Variants in R3HCC1L observed in about 807,000 individuals in gnomAD.
R3HCC1L encodes the protein R3H domain and coiled-coil containing 1 like.
A neutral mutation model predicts 59.9 loss-of-function variants in R3HCC1L; 51 were observed. The ratio of observed to expected loss-of-function variants is 0.85; its 90% CI spans 0.68 to 1.07. The LOEUF (loss-of-function observed/expected upper bound fraction) is 1.07. Ranked by LOEUF, R3HCC1L falls within the 50% of genes least tolerant of loss-of-function variation. R3HCC1L has a pLI of 0.00. For synonymous variants in R3HCC1L, 322 were observed against 315.2 expected (o/e 1.02, Z -0.23); for missense variants, 965 against 933.0 (o/e 1.03, Z -0.45).
chr10:98,242,598 G>T (rs941606152), intron 9 of R3HCC1L, among the ~76,000 whole-genome samples: 3 of 152,102 alleles, frequency 2.0e-5, no homozygotes, highest in Non-Finnish European at 2.9e-5. Context: ...TTTTGATTTT[G>T]GAATTGTGTG....
In R3HCC1L at chr10:98,234,429, GT is replaced by G. The variant is rs1430729009; in HGVS notation, c.1962-10del. 2.5e-6 allele frequency: 4 copies of G among 1,605,694 alleles called. No individual in the cohort carries two copies. Among genetic ancestry groups the G allele is most frequent in the African/African-American group, 2.7e-5 (2 of 74,640 alleles). ...AAATTTTATTTTAGGAAATAAAATT[GT>G]TTTTTTGTGTTGCAGAAAGAAAGGA... On this transcript the variant is annotated splice_polypyrimidine_tract_variant and intron_variant, in intron 6 of 9. Coordinates refer to ENST00000298999, the MANE Select transcript of R3HCC1L (RefSeq NM_001351015.2).
intron 4 of R3HCC1L, among the ~76,000 whole-genome samples, chr10:98,190,553 C>T (rs1364299671): frequency 6.6e-6 from 1 of 152,024 alleles, no homozygotes; most frequent in Non-Finnish European, 1.5e-5. Flanking sequence ...ATAAATAGAT[C>T]TTAAATTGTA....
intron 4 of R3HCC1L, among the ~76,000 whole-genome samples, chr10:98,189,599 ATT>A (rs1300196259): frequency 3.3e-5 from 5 of 152,100 alleles, no homozygotes. Flanking sequence ...TGTAATATAT[ATT>A]TTGTATAACC....
At chr10:98,188,729 A>G (rs148250454) in intron 4 of R3HCC1L, among the ~76,000 whole-genome samples, 70 of 152,294 alleles carry the variant, frequency 4.6e-4, no homozygotes, top group African/African-American at 1.6e-3. Flanking sequence ...AAGATATTTA[A>G]GTGGGGAGTA....
intron 1 of R3HCC1L, among the ~76,000 whole-genome samples, chr10:98,145,224 T>C (rs1845540005): frequency 6.6e-6 from 1 of 152,226 alleles, no homozygotes; most frequent in South Asian, 2.1e-4. Flanking sequence ...AGGGAATTGC[T>C]GAAGAGTACA....
Position 98,209,002 on chromosome 10 carries a change from A to G in R3HCC1L, c.888A>G (p.Thr296=). The G allele has an allele frequency of 6.2e-7, 1 of 1,613,990 alleles. No homozygotes were observed. The highest frequency in any genetic ancestry group is 8.5e-7 in the Non-Finnish European group (1 of 1,179,906). ...VESVGGIANS[T]GFILDQKDTD... ...GTGTAGGTGGTATAGCCAATAGTAC[A>G]GGTTTCATCTTAGATCAAAAAGATA... is the stretch of plus-strand genomic sequence containing the variant. Residue 296 remains threonine, a synonymous_variant, in exon 5 of 10, where the codon ACA becomes ACG. Coordinates refer to ENST00000298999, the MANE Select transcript of R3HCC1L (RefSeq NM_001351015.2).
intron 1 of R3HCC1L, among the ~76,000 whole-genome samples, chr10:98,139,707 T>C (rs1385024604): frequency 1.3e-5 from 2 of 152,176 alleles, no homozygotes; most frequent in African/African-American, 4.8e-5. Flanking sequence ...GGAGAGAATT[T>C]TCTTTTCTCT....
chr10:98,197,229 A>G (rs1851534623), intron 4 of R3HCC1L, among the ~76,000 whole-genome samples: 2 of 151,352 alleles, frequency 1.3e-5, no homozygotes, highest in Admixed American at 1.3e-4. Flanking sequence ...ACCCCTTCCT[A>G]TTCTGCTGAT....
Position 98,208,383 on chromosome 10 carries a change from CA to C in R3HCC1L, c.273del (p.Lys91AsnfsTer2). 6.2e-7 allele frequency: 1 copy of C among 1,613,844 alleles called. No individual in the cohort carries two copies. On this transcript the variant is annotated frameshift_variant, in exon 5 of 10. Coordinates refer to ENST00000298999, the MANE Select transcript of R3HCC1L (RefSeq NM_001351015.2). LOFTEE classifies it high-confidence loss of function. ...HNCREEKKSS[T>X]KLRMDTCLQK... ...TGTAGAGAAGAAAAGAAATCTTCAA[CA>C]AAATTAAGAATGGACACATGCCTTC...
chr10:98,223,953 C>T (rs1210440783), intron 5 of R3HCC1L, among the ~76,000 whole-genome samples: 6 of 152,070 alleles, frequency 3.9e-5, no homozygotes, highest in Non-Finnish European at 7.4e-5. Flanking sequence ...CAGCAGTGGG[C>T]TATCCCTCTG....
chr10:98,203,623 G>A (rs1302351209), intron 4 of R3HCC1L, among the ~76,000 whole-genome samples: 1 of 152,218 alleles, frequency 6.6e-6, no homozygotes, highest in African/African-American at 2.4e-5. Flanking sequence ...CCAATACTCA[G>A]TTGTTGATTG....
intron 9 of R3HCC1L, 63 bp from the exon 10 acceptor site, chr10:98,244,028 T>C (rs1359508): frequency 0.35 from 519,748 of 1,473,574 alleles, 93,509 homozygotes; most frequent in East Asian, 0.5. Context: ...GTAATTTGGA[T>C]TAAGGGAAAG....
At chr10:98,197,545 G>C (rs904538139) in intron 4 of R3HCC1L, among the ~76,000 whole-genome samples, 3 of 152,134 alleles carry the variant, frequency 2.0e-5, no homozygotes, top group African/African-American at 7.2e-5. Context: ...GAGGCCAGGA[G>C]CTTTGTTCAT....
At chr10:98,239,000 A>C (rs1857246445) in intron 9 of R3HCC1L, among the ~76,000 whole-genome samples, 1 of 152,242 alleles carries the variant, frequency 6.6e-6, no homozygotes, top group South Asian at 2.1e-4. Context: ...AAATGAGGAA[A>C]TCTGGGCTCT....
chr10:98,158,653 T>C (rs1001087358), intron 2 of R3HCC1L, among the ~76,000 whole-genome samples: 2 of 152,208 alleles, frequency 1.3e-5, no homozygotes, highest in Non-Finnish European at 2.9e-5. Flanking sequence ...TTAACGTTGA[T>C]TTAATATTAA....
At chr10:98,144,094 C>T (rs1269316534) in intron 1 of R3HCC1L, among the ~76,000 whole-genome samples, 2 of 152,072 alleles carry the variant, frequency 1.3e-5, no homozygotes, top group Non-Finnish European at 2.9e-5. Flanking sequence ...ATTGCTTGAG[C>T]TCAGGAGTTT....
At chr10:98,159,472 C>T (rs1590463349) in intron 2 of R3HCC1L, among the ~76,000 whole-genome samples, 1 of 152,260 alleles carries the variant, frequency 6.6e-6, no homozygotes, top group Non-Finnish European at 1.5e-5. Context: ...TACGTAGATA[C>T]TTGGTAAATA....
At chr10:98,231,411 A>T (rs935141644) in intron 5 of R3HCC1L, 101 bp from the exon 6 acceptor site, 14 of 1,094,658 alleles carry the variant, frequency 1.3e-5, no homozygotes, top group Non-Finnish European at 1.8e-5. Context: ...GAGGAATGGG[A>T]ACATGTAGAG....
chr10:98,139,439 T>C (rs1306185050), intron 1 of R3HCC1L, among the ~76,000 whole-genome samples: 1 of 152,210 alleles, frequency 6.6e-6, no homozygotes, highest in South Asian at 2.1e-4. Context: ...TTCTCACCTA[T>C]AGGAGAAGTG....
Sources: allele counts gnomAD v4.1 joint callset (sites outside exome capture counted in the v4.1 genomes callset), GRCh38; gene constraint gnomAD v4.1.1; transcripts MANE v1.5; gene names NCBI Gene and HGNC (gene_info 2026-07-23, HGNC 2026-07-21).